Variants in TMC2 observed in about 807,000 individuals in gnomAD.
The protein encoded by TMC2 is transmembrane channel like 2, also known as transmembrane channel-like protein 2.
A neutral mutation model predicts 105.9 loss-of-function variants in TMC2; 102 were observed. The observed-to-expected ratio is 0.96, with a 90% CI of 0.82 to 1.14. The LOEUF (loss-of-function observed/expected upper bound fraction) is 1.14. Among genes scored for constraint, TMC2 ranks in the 50% most tolerant of loss-of-function variants. TMC2 has a pLI of 0.00. For synonymous variants in TMC2, 402 were observed against 422.8 expected (o/e 0.95, Z 0.60); for missense variants, 1,093 against 1,134.3 (o/e 0.96, Z 0.52).
chr20:2,552,714 C>T (rs1035070995), intron 2 of TMC2, among the ~76,000 whole-genome samples: 27 of 152,158 alleles, frequency 1.8e-4, no homozygotes, highest in Non-Finnish European at 2.6e-4. Flanking sequence ...CGGGGTTTTA[C>T]CATGTTGGCC....
intron 7 of TMC2, among the ~76,000 whole-genome samples, chr20:2,582,406 A>C (rs1431514235): frequency 6.6e-6 from 1 of 152,244 alleles, no homozygotes; most frequent in African/African-American, 2.4e-5. Flanking sequence ...AAAATGAAGC[A>C]TAGTGAACCA....
intron 16 of TMC2, among the ~76,000 whole-genome samples, 157 bp from the exon 17 acceptor site, chr20:2,624,114 A>G (rs766765812): frequency 4.6e-5 from 7 of 152,172 alleles, no homozygotes; most frequent in South Asian, 4.1e-4. Context: ...CTCAGGGGGA[A>G]TTTTTTACTT....
chr20:2,549,560 C>T (rs578166953), intron 2 of TMC2, among the ~76,000 whole-genome samples: 71 of 150,738 alleles, frequency 4.7e-4, no homozygotes, highest in Middle Eastern at 7.1e-3. Flanking sequence ...CTGGCCAACA[C>T]GGTGAAACCC....
rs529275953 is a variant in TMC2 at position 2,634,500 on chromosome 20, A to G, written c.2307-1426A>G. Among the ~76,000 whole-genome samples the G allele has an allele frequency of 1.2e-4, 18 of 152,334 alleles. No individual in the cohort carries two copies. In the South Asian group the frequency reaches 3.5e-3, roughly 30 times the overall value. ...AAATTTCCTCTGCTGCTGGCATGAC[A>G]GGGATGACATGATAGTGACAATCTG... On this transcript the variant is annotated intron_variant, in intron 17 of 19. Transcript: ENST00000358864.
chr20:2,610,047 C>T (rs1398598141), intron 11 of TMC2, among the ~76,000 whole-genome samples: 1 of 152,158 alleles, frequency 6.6e-6, no homozygotes, highest in Non-Finnish European at 1.5e-5. Context: ...CGGGGTTTCA[C>T]CATGTTAGCC....
At chr20:2,580,782 C>A (rs2086183819) in intron 7 of TMC2, among the ~76,000 whole-genome samples, 1 of 152,126 alleles carries the variant, frequency 6.6e-6, no homozygotes, top group Non-Finnish European at 1.5e-5. Context: ...TAAATAGATT[C>A]TTATCTACAG....
intron 17 of TMC2, among the ~76,000 whole-genome samples, chr20:2,629,715 T>A (rs2086590092): frequency 1.3e-5 from 2 of 152,182 alleles, no homozygotes; most frequent in African/African-American, 4.8e-5. Context: ...ACCCCCTTAG[T>A]CAGGTGCCTT....
chr20:2,642,349 G>A lies in TMC2; in HGVS notation c.*998G>A, dbSNP rs2146279461. Among the ~76,000 whole-genome samples, 2 of 152,324 alleles carry A rather than the reference G, an allele frequency of 1.3e-5. No individual in the cohort carries two copies. Among genetic ancestry groups the A allele is most frequent in the South Asian group, 4.1e-4 (2 of 4,826 alleles). On this transcript the variant is annotated 3_prime_UTR_variant, in exon 20 of 20. Coordinates refer to ENST00000358864, the MANE Select transcript of TMC2 (RefSeq NM_080751.3). ...GCCCAAGGGAAGCTTACACCATGGA[G>A]CACAAAACAGGGAGTGAAAACAGTG...
chr20:2,553,653 T>C (rs1206195356), intron 2 of TMC2, among the ~76,000 whole-genome samples: 1 of 152,216 alleles, frequency 6.6e-6, no homozygotes, highest in Admixed American at 6.5e-5. Flanking sequence ...TTATTTCTTC[T>C]TTAAACATTT....
At chr20:2,594,737 G>A in intron 8 of TMC2, 88 bp from the exon 9 acceptor site, 1 of 1,425,524 alleles carries the variant, frequency 7.0e-7, no homozygotes, top group Non-Finnish European at 9.6e-7. Context: ...AAGACTCTGA[G>A]AAAGAAATCC....
chr20:2,634,166 A>G (rs1411177192), intron 17 of TMC2, among the ~76,000 whole-genome samples: 3 of 152,186 alleles, frequency 2.0e-5, no homozygotes, highest in South Asian at 2.1e-4. Flanking sequence ...GGATAGTCTG[A>G]TGAAGCCGGC....
rs533703354 is a variant in TMC2 at position 2,602,587 on chromosome 20, G to A, written c.1413+286G>A. ...GCGATCCTTTCCTCACAGCTTTGCA[G>A]CGCCATACATCGTAAATCAAGTGTC... On this transcript the variant is annotated intron_variant, in intron 11 of 19. Transcript: ENST00000358864. Among the ~76,000 whole-genome samples, 121 of 152,340 alleles carry A rather than the reference G, an allele frequency of 7.9e-4. 1 individual carries two copies. Among genetic ancestry groups the A allele is most frequent in the African/African-American group, 2.5e-3 (103 of 41,574 alleles).
chr20:2,537,841 T>C (rs1178892665), intron 2 of TMC2, among the ~76,000 whole-genome samples: 1 of 152,052 alleles, frequency 6.6e-6, no homozygotes, highest in Non-Finnish European at 1.5e-5. Context: ...TGGTTGAGAC[T>C]GAGGGTTCAG....
chr20:2,616,945 C>T lies in TMC2; in HGVS notation c.1941-127C>T. 9.2e-7 allele frequency: 1 copy of T among 1,082,586 alleles called. No individual in the cohort carries two copies. 67.1% of individuals were successfully genotyped at this position (1,082,586 alleles called of 1,614,324 possible). On this transcript the variant is annotated intron_variant, in intron 15 of 19. Transcript: ENST00000358864. This position sits in a 1 kb window ranked among gnomAD's most constrained non-coding sequence, Gnocchi z 4.8. ...TCTGGTTAAATGGGAGGCCCCTTACCTGGGGACTTGCCAGGAAAGCAGCTC... is the reference window on the plus strand; with the variant it reads ...TCTGGTTAAATGGGAGGCCCCTTACTTGGGGACTTGCCAGGAAAGCAGCTC...
intron 3 of TMC2, among the ~76,000 whole-genome samples, chr20:2,559,004 G>T (rs1600100286): frequency 6.6e-6 from 1 of 152,306 alleles, no homozygotes; most frequent in African/African-American, 2.4e-5. Context: ...GTGGCCGCGG[G>T]CTCTCCACTC....
intron 4 of TMC2, among the ~76,000 whole-genome samples, chr20:2,564,768 G>A (rs1010045095): frequency 2.0e-5 from 3 of 152,166 alleles, no homozygotes; most frequent in Non-Finnish European, 4.4e-5. Context: ...AGAAGCTAAG[G>A]CCTGAGAAGC....
chr20:2,628,024 C>T (rs2086576304), intron 17 of TMC2, among the ~76,000 whole-genome samples: 1 of 152,036 alleles, frequency 6.6e-6, no homozygotes, highest in South Asian at 2.1e-4. Context: ...AAAAATAAGC[C>T]AGCTGTGGTG....
intron 3 of TMC2, 88 bp from the exon 4 acceptor site, chr20:2,561,770 T>G: frequency 2.0e-6 from 3 of 1,476,468 alleles, no homozygotes; most frequent in Non-Finnish European, 2.7e-6. Flanking sequence ...GGGTGCCATC[T>G]TCCATGGGCC....
At chr20:2,573,638 G>A (rs547070120) in intron 5 of TMC2, among the ~76,000 whole-genome samples, 314 of 142,600 alleles carry the variant, frequency 2.2e-3, no homozygotes, top group Non-Finnish European at 3.6e-3. Flanking sequence ...TCGGCTCACT[G>A]CGAGCTCTGC....
Sources: gnomAD v4.1 joint callset for allele counts (sites outside exome capture counted in the v4.1 genomes callset) on GRCh38, gnomAD v4.1.1 for gene constraint, Gnocchi (gnomAD v3.1) non-coding constraint, MANE v1.5 for transcripts, NCBI Gene and HGNC (gene_info 2026-07-23, HGNC 2026-07-21) for gene names.